Variants in DYSF observed in about 807,000 individuals in gnomAD.
DYSF encodes dysferlin.
DYSF carries 212 observed loss-of-function variants against 274.9 expected under a neutral mutation model. The observed-to-expected ratio is 0.77, with a 90% CI of 0.69 to 0.86. The LOEUF is 0.86. DYSF is among the 40% of genes least tolerant of loss of function. DYSF has a pLI of 0.00. For missense variants in DYSF, 2,666 were observed against 2,783.2 expected, an observed-to-expected ratio of 0.96 and a Z score of 0.95; for synonymous variants, 1,091 against 1,078.7, an observed-to-expected ratio of 1.01 and a Z score of -0.22.
intron 42 of DYSF, among the ~76,000 whole-genome samples, chr2:71,652,392 T>G (rs2094681637): frequency 6.6e-6 from 1 of 152,204 alleles, no homozygotes; most frequent in Non-Finnish European, 1.5e-5. Context: ...ACTGAAAAAT[T>G]AGTAGAACCA....
At chr2:71,653,767 G>A (rs916740389) in intron 42 of DYSF, among the ~76,000 whole-genome samples, 37 of 151,620 alleles carry the variant, frequency 2.4e-4, no homozygotes, top group Non-Finnish European at 3.5e-4. Context: ...ATATGTAACA[G>A]ACCTGCACAT....
rs1051461582 is a variant in DYSF, at chr2:71,569,331, T to C, written c.2865-489T>C. ...CCCTGAGTGGTCCTTTCTCTGTCAG[T>C]CCCTCTCAGATCCACGTGGTCCTTC... On this transcript the variant is annotated intron_variant, in intron 26 of 55. Transcript: ENST00000410020. Among the ~76,000 whole-genome samples the C allele has an allele frequency of 2.0e-5, 3 of 152,280 alleles. 1 individual carries two copies.
At chr2:71,570,016 GT>G in intron 27 of DYSF, 82 bp downstream of exon 27, 2 of 1,302,226 alleles carry the variant, frequency 1.5e-6, no homozygotes, top group Non-Finnish European at 2.2e-6. Flanking sequence ...GGTGGGGCAT[GT>G]TTCTCTTTGC....
intron 36 of DYSF, among the ~76,000 whole-genome samples, chr2:71,608,799 G>A (rs1057283034): frequency 6.6e-6 from 1 of 152,214 alleles, no homozygotes. Context: ...GCGTTTGGGG[G>A]CCTAGAGAGG....
At position 71,682,691 on chromosome 2, in the gene DYSF, A is replaced by T. The variant is rs1293240456; in HGVS notation, c.6321+14A>T. On this transcript the variant is annotated intron_variant, in intron 55 of 55. Coordinates refer to ENST00000410020, the MANE Select transcript of DYSF (RefSeq NM_001130987.2). ...TACGCCTTCCCGGTGAGCAGGCCTG[A>T]CGACACTGTGGTGGGGGAACTCTGG... 1 of 1,612,392 alleles carries T rather than the reference A, an allele frequency of 6.2e-7. No individual in the cohort carries two copies. The highest frequency in any genetic ancestry group is 8.5e-7 in the Non-Finnish European group (1 of 1,179,226).
intron 1 of DYSF, among the ~76,000 whole-genome samples, chr2:71,467,810 A>T (rs1287540104): frequency 1.3e-5 from 2 of 152,210 alleles, no homozygotes; most frequent in Non-Finnish European, 2.9e-5. Context: ...ATCGATAATA[A>T]TAATAATAAA....
intron 1 of DYSF, among the ~76,000 whole-genome samples, chr2:71,469,006 A>T (rs924825260): frequency 6.6e-6 from 1 of 152,204 alleles, no homozygotes; most frequent in Non-Finnish European, 1.5e-5. Flanking sequence ...CCTGAGAATC[A>T]CTTGTAGAAC....
intron 35 of DYSF, among the ~76,000 whole-genome samples, chr2:71,601,780 C>T (rs2093556152): frequency 6.6e-6 from 1 of 152,226 alleles, no homozygotes; most frequent in African/African-American, 2.4e-5. Context: ...TCATAATTGT[C>T]CAGCCCAGTG....
intron 3 of DYSF, among the ~76,000 whole-genome samples, chr2:71,497,580 T>C (rs2084530791): frequency 6.6e-6 from 1 of 152,204 alleles, no homozygotes; most frequent in African/African-American, 2.4e-5. Context: ...TTAAACCTCT[T>C]TCCTTTCTGA....
chr2:71,563,079 C>A (rs1274316037), intron 23 of DYSF, among the ~76,000 whole-genome samples: 2 of 152,158 alleles, frequency 1.3e-5, no homozygotes, highest in African/African-American at 2.4e-5. Flanking sequence ...GAGTTCCTGC[C>A]CCCCTGGAAC....
chr2:71,673,229 G>A lies in DYSF; in HGVS notation c.5785-968G>A, dbSNP rs79470277. 3.2e-3 allele frequency among the ~76,000 whole-genome samples: 489 copies of A among 152,282 alleles called. 12 individuals carry two copies. In the East Asian group the frequency reaches 0.074, roughly 23 times the overall value. ...GTGAGAAAACAGAGAACAAGACTGCGCTGGAAAGCCCTAGTGACAGTGCTG... is the reference window on the plus strand; with the variant it reads ...GTGAGAAAACAGAGAACAAGACTGCACTGGAAAGCCCTAGTGACAGTGCTG... On this transcript the variant is annotated intron_variant, in intron 51 of 55. Coordinates refer to ENST00000410020, the MANE Select transcript of DYSF (RefSeq NM_001130987.2).
intron 20 of DYSF, 27 bp downstream of exon 20, chr2:71,553,215 C>T (rs2091082780): frequency 3.1e-6 from 5 of 1,613,636 alleles, no homozygotes; most frequent in African/African-American, 1.3e-5. Flanking sequence ...GGCTGGGACC[C>T]CGATCACAGG....
chr2:71,481,769 A>T lies in DYSF; in HGVS notation c.148-110A>T. 3 of 771,930 alleles carry T rather than the reference A, an allele frequency of 3.9e-6. No homozygotes were observed. In the South Asian group the frequency reaches 4.5e-5, roughly 12 times the overall value. 47.8% of individuals were successfully genotyped at this position (771,930 alleles called of 1,614,324 possible). ...ATTGATCCATCTGCCTATCCACTAG[A>T]ATCATTCATGAATGCCTACTCAGTG... is the stretch of plus-strand genomic sequence containing the variant. On this transcript the variant is annotated intron_variant, in intron 2 of 55. Transcript: ENST00000410020.
chr2:71,634,460 C>T (rs60994424), intron 41 of DYSF, among the ~76,000 whole-genome samples: 1,535 of 152,214 alleles, frequency 0.01, 33 homozygotes, highest in African/African-American at 0.036. Flanking sequence ...TTTCTTATGG[C>T]TGTGCTAACT....
At chr2:71,665,140 A>G (rs1193218030) in intron 46 of DYSF, 22 bp from the exon 47 acceptor site, 1 of 1,613,010 alleles carries the variant, frequency 6.2e-7, no homozygotes, top group Admixed American at 1.7e-5. Context: ...CATCTCATCT[A>G]TGTCTTGTGC....
intron 42 of DYSF, among the ~76,000 whole-genome samples, chr2:71,654,771 A>G (rs935161484): frequency 1.3e-5 from 2 of 151,884 alleles, no homozygotes; most frequent in East Asian, 3.9e-4. Context: ...TTCATGGTAC[A>G]TCATTAGGTT....
chr2:71,609,051 C>T (rs1209069889), intron 36 of DYSF, among the ~76,000 whole-genome samples: 1 of 152,050 alleles, frequency 6.6e-6, no homozygotes, highest in Non-Finnish European at 1.5e-5. Context: ...GCAACCCTGT[C>T]TTTAAAGAGG....
chr2:71,627,483 G>C (rs1250228921), intron 41 of DYSF, among the ~76,000 whole-genome samples: 1 of 152,030 alleles, frequency 6.6e-6, no homozygotes, highest in Non-Finnish European at 1.5e-5. Flanking sequence ...CTTAGAAATG[G>C]CCTGACACTT....
intron 45 of DYSF, among the ~76,000 whole-genome samples, chr2:71,663,289 C>T (rs1486903605): frequency 2.0e-5 from 3 of 152,178 alleles, no homozygotes; most frequent in Non-Finnish European, 4.4e-5. Context: ...CCCCGTGAGC[C>T]CTCCCACTGC....
Sources: allele counts gnomAD v4.1 joint callset (sites outside exome capture counted in the v4.1 genomes callset), GRCh38; gene constraint gnomAD v4.1.1; transcripts MANE v1.5; gene names NCBI Gene and HGNC (gene_info 2026-07-23, HGNC 2026-07-21).